Variants in MARCHF1 observed in about 807,000 individuals in gnomAD.
MARCHF1 encodes E3 ubiquitin-protein ligase MARCHF1.
In MARCHF1, 40 loss-of-function variants were observed where a neutral mutation model predicts 54.2. The observed-to-expected ratio is 0.74, with a 90% CI of 0.57 to 0.96. MARCHF1 has a LOEUF of 0.96. Ranked by LOEUF, MARCHF1 falls within the 40% of genes least tolerant of loss-of-function variation. The pLI, the probability that MARCHF1 is intolerant of heterozygous loss-of-function variation, is 0.00. For missense variants in MARCHF1, 586 were observed against 656.5 expected (o/e 0.89, Z 1.17); for synonymous variants, 236 against 236.3 (o/e 1.00, Z 0.01).
intron 8 of MARCHF1, among the ~76,000 whole-genome samples, chr4:163,575,040 G>A (rs1246328301): frequency 6.6e-6 from 1 of 151,940 alleles, no homozygotes; most frequent in Non-Finnish European, 1.5e-5. Context: ...TGATTGCTAT[G>A]GCTATCACTT....
chr4:163,625,646 T>G (rs1226386526), intron 5 of MARCHF1, among the ~76,000 whole-genome samples: 1 of 152,220 alleles, frequency 6.6e-6, no homozygotes, highest in East Asian at 1.9e-4. Flanking sequence ...AATTCTACAC[T>G]GTAACAAAAT....
At chr4:163,730,875 T>A (rs1020327673) in intron 4 of MARCHF1, among the ~76,000 whole-genome samples, 1 of 152,174 alleles carries the variant, frequency 6.6e-6, no homozygotes, top group Non-Finnish European at 1.5e-5. Flanking sequence ...TTACTGCTTC[T>A]CCCTCTCCCA....
At chr4:164,277,115 G>C (rs1238874229) in intron 1 of MARCHF1, among the ~76,000 whole-genome samples, 3 of 151,836 alleles carry the variant, frequency 2.0e-5, no homozygotes, top group Non-Finnish European at 4.4e-5. Context: ...TCCCTCCTTA[G>C]ATATCATCAT....
intron 2 of MARCHF1, among the ~76,000 whole-genome samples, chr4:163,993,722 G>A (rs981546970): frequency 2.6e-5 from 4 of 151,976 alleles, no homozygotes; most frequent in African/African-American, 4.8e-5. Flanking sequence ...ATAACACTAT[G>A]GGACTGATCT....
chr4:163,580,706 T>C (rs769858133), intron 8 of MARCHF1, among the ~76,000 whole-genome samples: 3 of 152,260 alleles, frequency 2.0e-5, no homozygotes, highest in Non-Finnish European at 4.4e-5. Flanking sequence ...TAAAATATTA[T>C]TGTTTAAGAA....
At chr4:163,908,997 G>C (rs996840859) in intron 3 of MARCHF1, among the ~76,000 whole-genome samples, 13 of 152,054 alleles carry the variant, frequency 8.5e-5, no homozygotes, top group Non-Finnish European at 1.6e-4. Context: ...AGGCCAAGAG[G>C]TAAAAATATA....
At chr4:163,856,265 TTTAGGATTA>T (rs1749765542) in intron 3 of MARCHF1, among the ~76,000 whole-genome samples, 1 of 152,216 alleles carries the variant, frequency 6.6e-6, no homozygotes, top group Admixed American at 6.5e-5. Flanking sequence ...ATTATCTTAT[TTTAGGATTA>T]TTAGCTAGGC....
chr4:163,836,956 C>A (rs1017142066), intron 4 of MARCHF1, among the ~76,000 whole-genome samples: 1 of 151,760 alleles, frequency 6.6e-6, no homozygotes, highest in African/African-American at 2.4e-5. Flanking sequence ...AATAATTGCT[C>A]GTATATAATA....
intron 1 of MARCHF1, among the ~76,000 whole-genome samples, chr4:164,343,900 T>C (rs1269304033): frequency 6.6e-6 from 1 of 152,160 alleles, no homozygotes; most frequent in Non-Finnish European, 1.5e-5. Flanking sequence ...ATATAAACAG[T>C]TCTACCATAA....
intron 4 of MARCHF1, among the ~76,000 whole-genome samples, chr4:163,776,634 A>C (rs535042130): frequency 3.3e-5 from 5 of 152,196 alleles, no homozygotes; most frequent in African/African-American, 1.2e-4. Context: ...TGTTCTCACT[A>C]TCCATCCATT....
At position 164,069,570 on chromosome 4, in the gene MARCHF1, G is replaced by C. The variant is rs528709050; in HGVS notation, c.-248+42018C>G. Among the ~76,000 whole-genome samples, 26 of 152,210 alleles carry C rather than the reference G, an allele frequency of 1.7e-4. No homozygotes were observed. In the South Asian group the frequency reaches 5.2e-3, roughly 30 times the overall value. ...GTAACACTCATCGAGAAGGTCTGCA[G>C]CTTCACTCCTGGGCCAGTGAGACCA... On this transcript the variant is annotated intron_variant, in intron 2 of 9. Transcript: ENST00000514618.
chr4:163,977,325 C>CA (rs1334425740), intron 3 of MARCHF1, among the ~76,000 whole-genome samples: 3 of 152,040 alleles, frequency 2.0e-5, no homozygotes, highest in Admixed American at 6.6e-5. Flanking sequence ...TAGCTACATT[C>CA]AGGACTGTTA....
At chr4:163,766,627 G>C (rs1172529539) in intron 4 of MARCHF1, among the ~76,000 whole-genome samples, 34 of 152,146 alleles carry the variant, frequency 2.2e-4, no homozygotes, top group Admixed American at 2.2e-3. Flanking sequence ...TAAGGGAGAA[G>C]TATGTTTTCC....
chr4:164,274,659 C>CTTCTTTTTTTTTTTTTTTT lies in MARCHF1; in HGVS notation c.-323+109210_-323+109211insAAAAAAAAAAAAAAAAGAA, dbSNP rs1733826760. Among the ~76,000 whole-genome samples the CTTCTTTTTTTTTTTTTTTT allele has an allele frequency of 1.3e-3, 59 of 44,658 alleles. 19 individuals carry two copies. The highest frequency in any genetic ancestry group is 0.015 in the Middle Eastern group (1 of 68). 29.3% of individuals were successfully genotyped at this position (44,658 alleles called of 152,430 possible). A position where few individuals can be genotyped will look rare whatever the true frequency, so the allele number is the denominator to read the frequency against. ...CGCTTGATGTGTGCTTCAGGGTACACTTTTTTTTTTTTTTTTTTTTTTTTT... is the reference window on the plus strand; with the variant it reads ...CGCTTGATGTGTGCTTCAGGGTACACTTCTTTTTTTTTTTTTTTTTTTTTTTTTTTTTTTTTTTTTTTTT... On this transcript the variant is annotated intron_variant, in intron 1 of 9. Coordinates refer to ENST00000514618, the MANE Select transcript of MARCHF1 (RefSeq NM_001394959.1).
chr4:163,737,164 C>CTTTTT (rs71925488), intron 4 of MARCHF1, among the ~76,000 whole-genome samples: 2 of 72,070 alleles, frequency 2.8e-5, no homozygotes, highest in East Asian at 2.9e-4. Flanking sequence ...TTTTTTCTTT[C>CTTTTT]TTTTTTTTTT....
chr4:164,049,655 A>C (rs2111039480), intron 2 of MARCHF1, among the ~76,000 whole-genome samples: 2 of 152,324 alleles, frequency 1.3e-5, no homozygotes, highest in African/African-American at 4.8e-5. Context: ...AAATTGACAA[A>C]AAAAGCTAAG....
At chr4:164,146,359 C>T (rs577383484) in intron 1 of MARCHF1, among the ~76,000 whole-genome samples, 15 of 150,914 alleles carry the variant, frequency 9.9e-5, no homozygotes, top group East Asian at 7.8e-4. Flanking sequence ...GAGCCTGCAT[C>T]GCCAAGTCAA....
intron 5 of MARCHF1, among the ~76,000 whole-genome samples, chr4:163,663,556 T>C (rs1743424544): frequency 6.6e-6 from 1 of 152,054 alleles, no homozygotes; most frequent in Non-Finnish European, 1.5e-5. Flanking sequence ...TGTCTCTAAT[T>C]GTCTTATTTT....
At chr4:164,237,249 TA>T (rs1361426087) in intron 1 of MARCHF1, among the ~76,000 whole-genome samples, 1 of 152,158 alleles carries the variant, frequency 6.6e-6, no homozygotes, top group Non-Finnish European at 1.5e-5. Context: ...CAAGTAAAAT[TA>T]CATGCTTCAC....
Sources: allele counts gnomAD v4.1 joint callset (sites outside exome capture counted in the v4.1 genomes callset), GRCh38; gene constraint gnomAD v4.1.1; transcripts MANE v1.5; gene names NCBI Gene and HGNC (gene_info 2026-07-23, HGNC 2026-07-21).